KDM4C: variants seen among roughly 807,000 people sequenced by gnomAD.
KDM4C encodes the protein lysine demethylase 4C, also known as lysine-specific demethylase 4C.
In KDM4C, 81 loss-of-function variants were observed where a neutral mutation model predicts 129.3. That is an observed-to-expected ratio of 0.63 (90% confidence interval 0.52 to 0.75). The LOEUF (loss-of-function observed/expected upper bound fraction) is 0.75. Among genes scored for constraint, KDM4C ranks in the 30% least tolerant of loss-of-function variants. The pLI is 0.00. For missense variants in KDM4C, 1,457 were observed against 1,304.0 expected (o/e 1.12, Z -1.81); for synonymous variants, 573 against 456.1 (o/e 1.26, Z -3.26).
chr9:6,890,606 T>C (rs1410255719), intron 7 of KDM4C, among the ~76,000 whole-genome samples: 1 of 152,144 alleles, frequency 6.6e-6, no homozygotes, highest in East Asian at 1.9e-4. Flanking sequence ...AATTCAGAGT[T>C]GCATTCTGTG....
chr9:6,831,247 T>C (rs1158973506), intron 4 of KDM4C, among the ~76,000 whole-genome samples: 1 of 152,176 alleles, frequency 6.6e-6, no homozygotes, highest in Non-Finnish European at 1.5e-5. Context: ...GGGCATTTAG[T>C]TTTCTTTCAT....
At chr9:7,063,963 A>G (rs543291789) in intron 17 of KDM4C, among the ~76,000 whole-genome samples, 58 of 152,184 alleles carry the variant, frequency 3.8e-4, no homozygotes, top group Admixed American at 7.2e-4. Flanking sequence ...CGTCTTTTGG[A>G]GCTGTGCTGT....
rs1221726307 is a variant in KDM4C at position 6,777,691 on chromosome 9, G to C, written c.-17-15281G>C. Among the ~76,000 whole-genome samples, 4 of 152,044 alleles carry C rather than the reference G, an allele frequency of 2.6e-5. No individual in the cohort carries two copies. In the East Asian group the frequency reaches 7.7e-4, roughly 29 times the overall value. ...CTGTCGCCCAGTCTGGAGTGCAGTG[G>C]CGCGATCTTGGTTCACCGCAACCTC... On this transcript the variant is annotated intron_variant, in intron 1 of 21. Transcript: ENST00000381309.
chr9:6,915,146 A>G (rs1563805691), intron 8 of KDM4C, among the ~76,000 whole-genome samples: 1 of 152,210 alleles, frequency 6.6e-6, no homozygotes, highest in Non-Finnish European at 1.5e-5. Context: ...AACTTCCTTT[A>G]CTACTTCAAA....
intron 12 of KDM4C, among the ~76,000 whole-genome samples, chr9:7,001,428 C>T (rs754323522): frequency 2.5e-4 from 38 of 152,320 alleles, no homozygotes; most frequent in African/African-American, 7.7e-4. Flanking sequence ...GGTTAAGAAT[C>T]TTCTTGGGGA....
At chr9:7,093,260 TG>T in intron 17 of KDM4C, among the ~76,000 whole-genome samples, 1 of 152,314 alleles carries the variant, frequency 6.6e-6, no homozygotes, top group South Asian at 2.1e-4. Flanking sequence ...AGCATGGTGT[TG>T]TTGATTCATT....
chr9:7,148,675 A>T (rs954000359), intron 19 of KDM4C, among the ~76,000 whole-genome samples: 16 of 152,196 alleles, frequency 1.1e-4, no homozygotes, highest in African/African-American at 3.9e-4. Flanking sequence ...GAATGAGATT[A>T]TGTGGACAAT....
intron 8 of KDM4C, among the ~76,000 whole-genome samples, chr9:6,899,140 T>A (rs1210996171): frequency 6.6e-6 from 1 of 152,000 alleles, no homozygotes; most frequent in Non-Finnish European, 1.5e-5. Context: ...TGATGAGTAG[T>A]TTTGCTGCGC....
intron 5 of KDM4C, among the ~76,000 whole-genome samples, chr9:6,854,549 A>AAAAAAAAAAAC: frequency 6.7e-6 from 1 of 150,118 alleles, no homozygotes; most frequent in Non-Finnish European, 1.5e-5. Flanking sequence ...AAAAAAACAA[A>AAAAAAAAAAAC]AAAAAAACTA....
chr9:6,971,816 A>C (rs148364576), intron 8 of KDM4C, among the ~76,000 whole-genome samples: 255 of 152,316 alleles, frequency 1.7e-3, no homozygotes, highest in African/African-American at 5.9e-3. Flanking sequence ...CATAAATAGA[A>C]ATGAGGGAAG....
At chr9:6,750,411 C>G (rs113576243) in intron 1 of KDM4C, among the ~76,000 whole-genome samples, 4 of 151,484 alleles carry the variant, frequency 2.6e-5, no homozygotes, top group African/African-American at 9.7e-5. Context: ...TGCACTTCAG[C>G]CTGGGTGACA....
intron 8 of KDM4C, among the ~76,000 whole-genome samples, chr9:6,897,454 A>G (rs1004054224): frequency 1.3e-5 from 2 of 152,194 alleles, no homozygotes; most frequent in African/African-American, 4.8e-5. Flanking sequence ...ATCCTGTAAG[A>G]TGCTCCAGAA....
At chr9:7,140,426 C>T (rs189477482) in intron 19 of KDM4C, among the ~76,000 whole-genome samples, 1 of 152,112 alleles carries the variant, frequency 6.6e-6, no homozygotes. Flanking sequence ...TAGGTTCCCT[C>T]CAGGAGAAAT....
chr9:7,092,251 T>C (rs1390246012), intron 17 of KDM4C, among the ~76,000 whole-genome samples: 1 of 152,206 alleles, frequency 6.6e-6, no homozygotes, highest in Non-Finnish European at 1.5e-5. Context: ...AGTACAGCTG[T>C]GGAACCTGAG....
chr9:6,859,543 G>T lies in KDM4C; in HGVS notation c.629+9843G>T, dbSNP rs1298854971. ...AGACGACAGATGTCTCAAGTAGGTGGATTTTTTTTTTTTTTGCCCCATTTT... is the reference window on the plus strand; with the variant it reads ...AGACGACAGATGTCTCAAGTAGGTGTATTTTTTTTTTTTTTGCCCCATTTT... On this transcript the variant is annotated intron_variant, in intron 5 of 21. Transcript: ENST00000381309. Among the ~76,000 whole-genome samples, 5 of 137,576 alleles carry T rather than the reference G, an allele frequency of 3.6e-5. 1 individual carries two copies. Among genetic ancestry groups the T allele is most frequent in the South Asian group, 2.8e-4 (1 of 3,616 alleles). 90.3% of individuals were successfully genotyped at this position (137,576 alleles called of 152,430 possible).
intron 6 of KDM4C, among the ~76,000 whole-genome samples, chr9:6,881,714 A>G (rs948005030): frequency 5.9e-5 from 9 of 152,232 alleles, no homozygotes; most frequent in Admixed American, 4.6e-4. Flanking sequence ...AAGGATGAAC[A>G]AGAACTTGAA....
At chr9:7,072,609 T>G (rs1360192121) in intron 17 of KDM4C, among the ~76,000 whole-genome samples, 2 of 152,156 alleles carry the variant, frequency 1.3e-5, no homozygotes, top group Non-Finnish European at 1.5e-5. Flanking sequence ...TGCTGGGCCT[T>G]ATGCATGGGT....
chr9:7,048,832 A>G (rs1039284245), intron 16 of KDM4C, among the ~76,000 whole-genome samples: 7 of 152,112 alleles, frequency 4.6e-5, no homozygotes, highest in Non-Finnish European at 1.0e-4. Flanking sequence ...CAAGTGTAGA[A>G]AAATATGTGC....
intron 19 of KDM4C, among the ~76,000 whole-genome samples, chr9:7,140,177 C>G (rs1336284513): frequency 6.6e-6 from 1 of 152,030 alleles, no homozygotes; most frequent in South Asian, 2.1e-4. Flanking sequence ...ATTAGTTTAG[C>G]GAGACAGTTA....
Sources: gnomAD v4.1 joint callset for allele counts (sites outside exome capture counted in the v4.1 genomes callset) on GRCh38, gnomAD v4.1.1 for gene constraint, MANE v1.5 for transcripts, NCBI Gene and HGNC (gene_info 2026-07-23, HGNC 2026-07-21) for gene names.